TPO: variants seen among roughly 807,000 people sequenced by gnomAD.
TPO encodes thyroid peroxidase.
TPO carries 78 observed loss-of-function variants against 96.9 expected under a neutral mutation model. The observed-to-expected ratio is 0.81, with a 90% CI of 0.67 to 0.97. The LOEUF is 0.97. Ranked by LOEUF, TPO falls within the 50% of genes least tolerant of loss-of-function variation. TPO has a pLI of 0.00. For missense variants in TPO, 1,252 were observed against 1,274.8 expected (o/e 0.98, Z 0.27); for synonymous variants, 547 against 538.0 (o/e 1.02, Z -0.23).
intron 1 of TPO, among the ~76,000 whole-genome samples, chr2:1,388,129 T>A (rs1364011325): frequency 6.6e-6 from 1 of 152,124 alleles, no homozygotes; most frequent in East Asian, 1.9e-4. Flanking sequence ...TACTCGGGGG[T>A]GCCTCCCAGT....
chr2:1,504,460 G>A (rs1031377685), intron 14 of TPO, among the ~76,000 whole-genome samples: 6 of 152,174 alleles, frequency 3.9e-5, no homozygotes, highest in Admixed American at 3.3e-4. Flanking sequence ...AAATGCACCC[G>A]ACTGCACCCT....
chr2:1,425,832 T>G (rs1285104346), intron 3 of TPO, among the ~76,000 whole-genome samples: 1 of 152,006 alleles, frequency 6.6e-6, no homozygotes, highest in Non-Finnish European at 1.5e-5. Context: ...AAGTCATTGT[T>G]CTAGATGCCA....
chr2:1,465,157 TC>T (rs1668783553), intron 7 of TPO, among the ~76,000 whole-genome samples: 1 of 152,202 alleles, frequency 6.6e-6, no homozygotes, highest in South Asian at 2.1e-4. Context: ...GAATAGGGTG[TC>T]CTTTGCCCAC....
chr2:1,529,836 C>A (rs1677633725), intron 15 of TPO, among the ~76,000 whole-genome samples: 2 of 141,252 alleles, frequency 1.4e-5, no homozygotes, highest in South Asian at 4.5e-4. Context: ...CCCAAATCCC[C>A]CCGACGCTGT....
intron 15 of TPO, among the ~76,000 whole-genome samples, chr2:1,535,200 C>G (rs1271443341): frequency 7.8e-6 from 1 of 127,534 alleles, no homozygotes; most frequent in Non-Finnish European, 1.6e-5. Context: ...ACTTGTGCAA[C>G]CTCATCAATT....
chr2:1,497,256 A>G (rs1259711179), intron 13 of TPO, among the ~76,000 whole-genome samples: 1 of 152,138 alleles, frequency 6.6e-6, no homozygotes, highest in East Asian at 1.9e-4. Context: ...TCCTGGCGGT[A>G]ATTTGAGAGC....
Position 1,423,031 on chromosome 2 carries a change from A to G in TPO, c.95-14A>G, listed in dbSNP as rs116390200. The G allele has an allele frequency of 3.2e-4, 523 of 1,613,844 alleles. 2 individuals are homozygous for G. The African/African-American group carries it at 5.2e-3, about 16-fold the overall frequency. On this transcript the variant is annotated splice_polypyrimidine_tract_variant and intron_variant, in intron 2 of 16. Coordinates refer to ENST00000329066, the MANE Select transcript of TPO (RefSeq NM_001206744.2). Reference sequence around the variant, plus strand: ...TGTCATTGCGCTTTGACTGTGTGACATTCTGTTCCGTAGGAAAGCCTGAGG... The same window carrying G: ...TGTCATTGCGCTTTGACTGTGTGACGTTCTGTTCCGTAGGAAAGCCTGAGG...
At chr2:1,374,946 G>T (rs958655165) in intron 1 of TPO, among the ~76,000 whole-genome samples, 1 of 151,796 alleles carries the variant, frequency 6.6e-6, no homozygotes. Context: ...AGCCAGGATG[G>T]TCTCGATCTC....
chr2:1,392,966 C>T (rs1662026428), intron 1 of TPO, among the ~76,000 whole-genome samples: 2 of 152,060 alleles, frequency 1.3e-5, no homozygotes, highest in South Asian at 4.2e-4. Flanking sequence ...TGTAAAGAGT[C>T]ATATAGACTC....
At chr2:1,422,398 C>CGCG (rs1553298334) in intron 2 of TPO, among the ~76,000 whole-genome samples, 1 of 109,318 alleles carries the variant, frequency 9.1e-6, no homozygotes. Context: ...CGCGCTGGGC[C>CGCG]ATGGGGAGAG....
At chr2:1,378,266 G>A (rs988423553) in intron 1 of TPO, among the ~76,000 whole-genome samples, 3 of 152,192 alleles carry the variant, frequency 2.0e-5, no homozygotes, top group Admixed American at 6.5e-5. Flanking sequence ...GTGCCCTTAC[G>A]TTGCTGGAGA....
intron 2 of TPO, 148 bp from the exon 3 acceptor site, chr2:1,422,897 G>A (rs1446199592): frequency 1.3e-6 from 1 of 791,572 alleles, no homozygotes; most frequent in Non-Finnish European, 2.1e-6. Context: ...GCCTGTGGAG[G>A]GAAGCGACCC....
intron 1 of TPO, among the ~76,000 whole-genome samples, chr2:1,403,897 C>T (rs989987065): frequency 6.6e-6 from 1 of 152,192 alleles, no homozygotes; most frequent in African/African-American, 2.4e-5. Flanking sequence ...GCCTGGGACC[C>T]TGCATGGTCA....
chr2:1,460,232 G>A (rs997100549), intron 7 of TPO, among the ~76,000 whole-genome samples: 1 of 152,102 alleles, frequency 6.6e-6, no homozygotes, highest in African/African-American at 2.4e-5. Context: ...CACTGTGCCT[G>A]GCCCTAGTGT....
chr2:1,530,533 C>A (rs1395536137), intron 15 of TPO, among the ~76,000 whole-genome samples: 1 of 111,512 alleles, frequency 9.0e-6, no homozygotes, highest in African/African-American at 3.5e-5. Context: ...TCTGTGCAAC[C>A]CCCCCAAATC....
chr2:1,541,306 A>C (rs538814767), intron 16 of TPO: 1 of 544,130 alleles, frequency 1.8e-6, no homozygotes, highest in East Asian at 9.9e-5. Context: ...GCTGCACGGC[A>C]TGGGGCGCAC....
chr2:1,516,747 T>C (rs1488809808), intron 14 of TPO, 136 bp from the exon 15 acceptor site: 5 of 768,588 alleles, frequency 6.5e-6, no homozygotes, highest in South Asian at 2.9e-5. Context: ...CAGATAAATG[T>C]CCCTCCCTCC....
Position 1,423,233 on chromosome 2 carries a change from C to T in TPO, c.179+104C>T, listed in dbSNP as rs972320611. The T allele has an allele frequency of 5.9e-6, 6 of 1,012,762 alleles. No individual in the cohort carries two copies. In the African/African-American group the frequency reaches 9.5e-5, roughly 16 times the overall value. 62.7% of individuals were successfully genotyped at this position (1,012,762 alleles called of 1,614,324 possible). A position where few individuals can be genotyped will look rare whatever the true frequency, so the allele number is the denominator to read the frequency against. On this transcript the variant is annotated intron_variant, in intron 3 of 16. Coordinates refer to ENST00000329066, the MANE Select transcript of TPO (RefSeq NM_001206744.2). ...GATTTTCGCAATTGCAGATGAAAAC[C>T]TGAAGCTTGCCATTGTTAATTTACT...
chr2:1,430,397 C>G (rs961096510), intron 3 of TPO, among the ~76,000 whole-genome samples: 2 of 152,236 alleles, frequency 1.3e-5, no homozygotes, highest in African/African-American at 2.4e-5. Flanking sequence ...CATGAAAAAG[C>G]CTAGTGCCCA....
Sources: gnomAD v4.1 joint callset for allele counts (sites outside exome capture counted in the v4.1 genomes callset) on GRCh38, gnomAD v4.1.1 for gene constraint, MANE v1.5 for transcripts, NCBI Gene and HGNC (gene_info 2026-07-23, HGNC 2026-07-21) for gene names.